The following DENND11 variants were observed in gnomAD, a reference collection of about 807,000 sequenced individuals.
DENND11 encodes the protein DENN domain-containing protein 11.
In DENND11, 34 loss-of-function variants were observed where a neutral mutation model predicts 49.2. That is an observed-to-expected ratio of 0.69 (90% CI 0.53 to 0.92). The LOEUF (loss-of-function observed/expected upper bound fraction) is 0.92, where lower values mean the gene tolerates loss of function less well. Ranked by LOEUF, DENND11 falls within the 40% of genes least tolerant of loss-of-function variation. The probability of loss-of-function intolerance (pLI) is 0.00; values close to 1 mark genes in which losing one functional copy is unlikely to be tolerated. For missense variants in DENND11, 475 were observed against 581.6 expected (o/e 0.82, Z 1.88); for synonymous variants, 238 against 230.3 (o/e 1.03, Z -0.30).
At chr7:141,699,885 T>C (rs572483635) in intron 1 of DENND11, among the ~76,000 whole-genome samples, 1 of 152,218 alleles carries the variant, frequency 6.6e-6, no homozygotes, top group South Asian at 2.1e-4. Context: ...ATCCCTTCTT[T>C]GCACAGTAGC....
At chr7:141,699,947 G>A (rs1168221911) in intron 1 of DENND11, among the ~76,000 whole-genome samples, 1 of 148,638 alleles carries the variant, frequency 6.7e-6, no homozygotes, top group Non-Finnish European at 1.5e-5. Flanking sequence ...CACACACTCC[G>A]TATACACAAA....
rs184004901 is a variant in DENND11, at chr7:141,664,922, C to T, written c.1085G>A (p.Arg362His). ...CCACTACCTCTGCTCGTTGAGCCGGCGGTACTTCTCCCTGTCAGCACTGTT... is the reference window on the plus strand; with the variant it reads ...CCACTACCTCTGCTCGTTGAGCCGGTGGTACTTCTCCCTGTCAGCACTGTT... ...KINSADREKY[R>H]RLNEQRQMLL... Residue 362 changes from arginine (R) to histidine (H), a missense_variant, in exon 7 of 9, where the codon CGC becomes CAC. Coordinates refer to ENST00000536163, the MANE Select transcript of DENND11 (RefSeq NM_001080392.2). 49 of 1,612,466 alleles carry T rather than the reference C, an allele frequency of 3.0e-5. No homozygotes were observed. The highest frequency in any genetic ancestry group is 8.9e-5 in the East Asian group (4 of 44,830).
chr7:141,663,987 T>G, intron 8 of DENND11, 185 bp downstream of exon 8: 1 of 491,346 alleles, frequency 2.0e-6, no homozygotes, highest in Middle Eastern at 5.2e-4. Context: ...TCCCTAAGTC[T>G]TCTGGGTTCC....
intron 4 of DENND11, among the ~76,000 whole-genome samples, chr7:141,673,625 T>C (rs1798018195): frequency 6.6e-6 from 1 of 152,244 alleles, no homozygotes; most frequent in Admixed American, 6.5e-5. Context: ...AACGCTTTGC[T>C]GGGTGTTTTG....
At position 141,661,141 on chromosome 7, in the gene DENND11, G is replaced by A. The variant is rs569933956; in HGVS notation, c.*1515C>T. 6 of 152,298 alleles carry A rather than the reference G, an allele frequency of 3.9e-5. No homozygotes were observed. In the South Asian group the frequency reaches 6.2e-4, roughly 16 times the overall value. 9.4% of individuals were successfully genotyped at this position (152,298 alleles called of 1,614,324 possible). On this transcript the variant is annotated 3_prime_UTR_variant, in exon 9 of 9. Coordinates refer to ENST00000536163, the MANE Select transcript of DENND11 (RefSeq NM_001080392.2). ...CACCATTTGAATGTTATTTCTCCCT[G>A]CTGTGTACATTAGTCTGGCTGGGTG...
chr7:141,701,702 A>G, intron 1 of DENND11, 184 bp downstream of exon 1: 1 of 378,244 alleles, frequency 2.6e-6, no homozygotes, highest in Non-Finnish European at 4.2e-6. Flanking sequence ...CTGCGCCCCG[A>G]GGGAGAGAGC....
chr7:141,662,136 A>G lies in DENND11; in HGVS notation c.*520T>C, dbSNP rs1797806576. ...CTTTGTGGTCCCTACTCAAGTAAAC[A>G]GAGAAGACATAAAGTTGCCCTAATG... On this transcript the variant is annotated 3_prime_UTR_variant, in exon 9 of 9. Coordinates refer to ENST00000536163, the MANE Select transcript of DENND11 (RefSeq NM_001080392.2). 1 of 152,774 alleles carries G rather than the reference A, an allele frequency of 6.5e-6. No homozygotes were observed. The highest frequency in any genetic ancestry group is 2.1e-4 in the South Asian group (1 of 4,830). The allele number at this position is 152,774 out of a possible 1,614,324, so 9.5% of individuals were successfully genotyped here. A position where few individuals can be genotyped will look rare whatever the true frequency, so the allele number is the denominator to read the frequency against.
At chr7:141,688,462 G>C (rs1162132218) in intron 1 of DENND11, among the ~76,000 whole-genome samples, 1 of 152,166 alleles carries the variant, frequency 6.6e-6, no homozygotes, top group African/African-American at 2.4e-5. Flanking sequence ...ATTTTCAAAA[G>C]AGGAATTATG....
rs150155836 is a variant in DENND11 at position 141,667,904 on chromosome 7, G to A, written c.682-1479C>T. ...TGAACATGTCCTGTTTGCCACCCAC[G>A]CCTACTCCTCTGCCACCGCAACCCA... On this transcript the variant is annotated intron_variant, in intron 4 of 8. Transcript: ENST00000536163. 1.1e-3 allele frequency among the ~76,000 whole-genome samples: 171 copies of A among 152,258 alleles called. 1 individual carries two copies. In the Middle Eastern group the frequency reaches 0.014, roughly 12 times the overall value.
rs1797728282 is a variant in DENND11, at chr7:141,658,206, AAAAAT to A, written c.*4445_*4449del. 6.6e-6 allele frequency: 1 copy of A among 152,258 alleles called. No homozygotes were observed. Among genetic ancestry groups the A allele is most frequent in the Non-Finnish European group, 1.5e-5 (1 of 68,036 alleles). 9.4% of individuals were successfully genotyped at this position (152,258 alleles called of 1,614,324 possible). ...GTTCATCACATAGTAATATCAATAA[AAAAAT>A]AAACTTCCATTTCTTATAAGAAAAA... On this transcript the variant is annotated 3_prime_UTR_variant, in exon 9 of 9. Coordinates refer to ENST00000536163, the MANE Select transcript of DENND11 (RefSeq NM_001080392.2).
chr7:141,687,456 A>C (rs1798259767), intron 1 of DENND11, among the ~76,000 whole-genome samples: 1 of 151,786 alleles, frequency 6.6e-6, no homozygotes, highest in Admixed American at 6.6e-5. Context: ...ACAGAGGATA[A>C]GGTGCGATTT....
In DENND11 at chr7:141,657,650, A is replaced by T. The variant is rs1797718627; in HGVS notation, c.*5006T>A. ...AACATAAGTAATTCACACCTGGCCT[A>T]CTATGAAAATTAAATTTTCTGAATT... On this transcript the variant is annotated 3_prime_UTR_variant, in exon 9 of 9. Coordinates refer to ENST00000536163, the MANE Select transcript of DENND11 (RefSeq NM_001080392.2). The T allele has an allele frequency of 6.6e-6, 1 of 152,268 alleles. No individual in the cohort carries two copies. The highest frequency in any genetic ancestry group is 1.5e-5 in the Non-Finnish European group (1 of 68,042). 9.4% of individuals were successfully genotyped at this position (152,268 alleles called of 1,614,324 possible).
chr7:141,672,590 C>T (rs2117059188), intron 4 of DENND11, among the ~76,000 whole-genome samples: 1 of 152,348 alleles, frequency 6.6e-6, no homozygotes, highest in South Asian at 2.1e-4. Context: ...CCAGTCAAAC[C>T]TTCAGATGAG....
chr7:141,679,077 A>C (rs971209835), intron 3 of DENND11, among the ~76,000 whole-genome samples: 1 of 152,244 alleles, frequency 6.6e-6, no homozygotes, highest in Non-Finnish European at 1.5e-5. Flanking sequence ...TAAGTGTTGC[A>C]GAAATGAAGA....
At chr7:141,701,634 G>A (rs887364709) in intron 1 of DENND11, 43 of 248,330 alleles carry the variant, frequency 1.7e-4, no homozygotes, top group African/African-American at 9.5e-4. Context: ...AGAGGAGGTC[G>A]GCGGGGCTGG....
At chr7:141,691,761 G>A (rs1798329804) in intron 1 of DENND11, among the ~76,000 whole-genome samples, 1 of 152,186 alleles carries the variant, frequency 6.6e-6, no homozygotes, top group Non-Finnish European at 1.5e-5. Flanking sequence ...AGTAGGTAGA[G>A]CTACTATGGC....
At chr7:141,678,421 A>T (rs1798101382) in intron 3 of DENND11, among the ~76,000 whole-genome samples, 2 of 152,184 alleles carry the variant, frequency 1.3e-5, no homozygotes, top group South Asian at 4.1e-4. Context: ...TCTATTTTTT[A>T]AAGTTTCCTA....
In DENND11 at chr7:141,684,251, T is replaced by C. The variant is rs775097493; in HGVS notation, c.527+1227A>G. On this transcript the variant is annotated intron_variant, in intron 3 of 8. Coordinates refer to ENST00000536163, the MANE Select transcript of DENND11 (RefSeq NM_001080392.2). Reference sequence around the variant, plus strand: ...CATTCCTGATCAATTTTAATGTTTATATATTGTTTCCCAGTAAAGTACTGA... The same window carrying C: ...CATTCCTGATCAATTTTAATGTTTACATATTGTTTCCCAGTAAAGTACTGA... Among the ~76,000 whole-genome samples, 109 of 152,228 alleles carry C rather than the reference T, an allele frequency of 7.2e-4. 1 individual carries two copies. The highest frequency in any genetic ancestry group is 2.0e-4 in the Admixed American group (3 of 15,284).
In DENND11 at chr7:141,659,219, G is replaced by A. The variant is rs530942617; in HGVS notation, c.*3437C>T. 6.6e-6 allele frequency: 1 copy of A among 152,328 alleles called. No individual in the cohort carries two copies. The highest frequency in any genetic ancestry group is 6.5e-5 in the Admixed American group (1 of 15,302). 9.4% of individuals were successfully genotyped at this position (152,328 alleles called of 1,614,324 possible). ...AGCACAGATGCTATAATGGATGATG[G>A]ATATGGAAGGCAAAAGCCTTCTAAT... On this transcript the variant is annotated 3_prime_UTR_variant, in exon 9 of 9. Coordinates refer to ENST00000536163, the MANE Select transcript of DENND11 (RefSeq NM_001080392.2).
Sources: allele counts gnomAD v4.1 joint callset (sites outside exome capture counted in the v4.1 genomes callset), GRCh38; gene constraint gnomAD v4.1.1; transcripts MANE v1.5; gene names NCBI Gene and HGNC (gene_info 2026-07-23, HGNC 2026-07-21).